The following GPC5 variants were observed in gnomAD, a reference collection of about 807,000 sequenced individuals.
GPC5 encodes glypican-5.
A neutral mutation model predicts 53.9 loss-of-function variants in GPC5; 47 were observed. The observed-to-expected ratio is 0.87, with a 90% CI of 0.69 to 1.11. The LOEUF is 1.11. Ranked by LOEUF, GPC5 falls within the 50% of genes most tolerant of loss-of-function variation. The probability of loss-of-function intolerance (pLI) is 0.00; values close to 1 mark genes in which losing one functional copy is unlikely to be tolerated. For synonymous variants in GPC5, 286 were observed against 263.3 expected (o/e 1.09, Z -0.84); for missense variants, 748 against 713.1 (o/e 1.05, Z -0.56).
intron 5 of GPC5, among the ~76,000 whole-genome samples, chr13:91,775,440 G>A (rs902301329): frequency 8.6e-5 from 13 of 151,990 alleles, no homozygotes; most frequent in South Asian, 2.1e-4. Context: ...AATTCCCCAC[G>A]TAGATGATTG....
At chr13:92,574,581 A>G (rs781683169) in intron 7 of GPC5, among the ~76,000 whole-genome samples, 7 of 152,110 alleles carry the variant, frequency 4.6e-5, no homozygotes, top group Non-Finnish European at 7.4e-5. Flanking sequence ...TTCTCTATTT[A>G]TATTCATGTG....
At chr13:92,192,285 A>AC (rs1408433074) in intron 7 of GPC5, among the ~76,000 whole-genome samples, 2 of 152,150 alleles carry the variant, frequency 1.3e-5, no homozygotes, top group Non-Finnish European at 2.9e-5. Context: ...AAACAAATAT[A>AC]CCACTCTCGC....
rs1343239273 is a variant in GPC5, at chr13:91,688,434, A to C, written c.326-4753A>C. On this transcript the variant is annotated intron_variant, in intron 2 of 7. Transcript: ENST00000377067. ...AGATATATAAAAATATGTATATTACATATATTTAGGTAATTCAATTAACTG... is the reference window on the plus strand; with the variant it reads ...AGATATATAAAAATATGTATATTACCTATATTTAGGTAATTCAATTAACTG... Among the ~76,000 whole-genome samples, 54 of 152,186 alleles carry C rather than the reference A, an allele frequency of 3.5e-4. 1 individual carries two copies. The highest frequency in any genetic ancestry group is 3.5e-3 in the Admixed American group (54 of 15,272).
At chr13:91,575,884 C>T (rs186186328) in intron 2 of GPC5, among the ~76,000 whole-genome samples, 85 of 152,048 alleles carry the variant, frequency 5.6e-4, no homozygotes, top group African/African-American at 2.0e-3. Context: ...CTAGTTGCCA[C>T]GTTACTTTCA....
intron 7 of GPC5, among the ~76,000 whole-genome samples, chr13:92,206,197 G>T (rs551063516): frequency 1.2e-4 from 16 of 136,426 alleles, no homozygotes; most frequent in African/African-American, 4.4e-4. Context: ...ACAGAGTCTC[G>T]GTCTGTCGCC....
chr13:92,514,248 G>C (rs1880687269), intron 7 of GPC5, among the ~76,000 whole-genome samples: 1 of 146,612 alleles, frequency 6.8e-6, no homozygotes, highest in African/African-American at 2.5e-5. Context: ...CTCAAATTTA[G>C]TGTTACTGTT....
At chr13:92,616,534 A>G (rs1884696868) in intron 7 of GPC5, among the ~76,000 whole-genome samples, 2 of 152,230 alleles carry the variant, frequency 1.3e-5, no homozygotes, top group South Asian at 4.1e-4. Flanking sequence ...ACTGAATAAA[A>G]TTAGCAAGGA....
At chr13:91,938,087 C>A (rs902527963) in intron 6 of GPC5, among the ~76,000 whole-genome samples, 15 of 152,140 alleles carry the variant, frequency 9.9e-5, no homozygotes, top group African/African-American at 3.6e-4. Flanking sequence ...GCTCAGAGAT[C>A]TATACTAAGT....
Position 92,140,127 on chromosome 13 carries a change from TAAAA to T in GPC5, c.1402-4702_1402-4699del, listed in dbSNP as rs1334755828. ...AGTTTGAATTTGAAAATTAAGTAGATAAAATAAGAAAATGAAAGGGTGTATTCTA... is the reference window on the plus strand; with the variant it reads ...AGTTTGAATTTGAAAATTAAGTAGATTAAGAAAATGAAAGGGTGTATTCTA... On this transcript the variant is annotated intron_variant, in intron 6 of 7. Coordinates refer to ENST00000377067, the MANE Select transcript of GPC5 (RefSeq NM_004466.6). 2.6e-5 allele frequency among the ~76,000 whole-genome samples: 4 copies of T among 151,782 alleles called. No homozygotes were observed. The East Asian group carries it at 7.7e-4, about 29-fold the overall frequency.
chr13:92,415,120 C>T (rs1191046116), intron 7 of GPC5, among the ~76,000 whole-genome samples: 2 of 152,120 alleles, frequency 1.3e-5, no homozygotes, highest in South Asian at 2.1e-4. Flanking sequence ...GTGGGAGATG[C>T]GAGAAACATA....
At chr13:92,724,759 T>C (rs1221149666) in intron 7 of GPC5, among the ~76,000 whole-genome samples, 1 of 151,522 alleles carries the variant, frequency 6.6e-6, no homozygotes, top group Non-Finnish European at 1.5e-5. Context: ...GTTTCAGATA[T>C]GCAAAATGAG....
intron 7 of GPC5, among the ~76,000 whole-genome samples, chr13:92,208,942 G>T (rs1248265602): frequency 6.6e-6 from 1 of 152,114 alleles, no homozygotes; most frequent in African/African-American, 2.4e-5. Context: ...TTACCAAATT[G>T]ATAATATGAT....
chr13:92,378,631 C>A (rs2043714053), intron 7 of GPC5, among the ~76,000 whole-genome samples: 2 of 152,096 alleles, frequency 1.3e-5, no homozygotes, highest in Non-Finnish European at 2.9e-5. Context: ...ATTTTATCAT[C>A]TATTAAACTA....
intron 3 of GPC5, among the ~76,000 whole-genome samples, chr13:91,723,133 T>C (rs2036508093): frequency 6.6e-6 from 1 of 152,172 alleles, no homozygotes; most frequent in Admixed American, 6.5e-5. Flanking sequence ...TTCATAGTTT[T>C]AGGGCATAAT....
intron 7 of GPC5, among the ~76,000 whole-genome samples, chr13:92,296,740 G>A (rs1032184829): frequency 4.6e-5 from 7 of 152,174 alleles, no homozygotes; most frequent in Middle Eastern, 3.2e-3. Flanking sequence ...GCGTGGGCTT[G>A]GTGGGCCCCG....
At chr13:92,486,692 A>G (rs899283169) in intron 7 of GPC5, among the ~76,000 whole-genome samples, 3 of 152,226 alleles carry the variant, frequency 2.0e-5, no homozygotes, top group African/African-American at 7.2e-5. Flanking sequence ...TTAATTCCTA[A>G]TATGAATCGT....
At chr13:91,540,496 A>T (rs2029877580) in intron 2 of GPC5, among the ~76,000 whole-genome samples, 1 of 152,180 alleles carries the variant, frequency 6.6e-6, no homozygotes, top group African/African-American at 2.4e-5. Flanking sequence ...TAACCGATAC[A>T]GGGTGTTTTT....
At chr13:92,175,334 T>C (rs2042102093) in intron 7 of GPC5, among the ~76,000 whole-genome samples, 2 of 152,246 alleles carry the variant, frequency 1.3e-5, no homozygotes, top group African/African-American at 4.8e-5. Context: ...TATCTATACA[T>C]ATATAAAAGC....
At chr13:92,208,443 C>A (rs567505546) in intron 7 of GPC5, among the ~76,000 whole-genome samples, 125 of 152,282 alleles carry the variant, frequency 8.2e-4, no homozygotes, top group Non-Finnish European at 1.4e-3. Flanking sequence ...TTATTTTTAC[C>A]TGCTTTTCAG....
Sources: gnomAD v4.1 joint callset for allele counts (sites outside exome capture counted in the v4.1 genomes callset) on GRCh38, gnomAD v4.1.1 for gene constraint, MANE v1.5 for transcripts, NCBI Gene and HGNC (gene_info 2026-07-23, HGNC 2026-07-21) for gene names.